The following PTPRR variants were observed in gnomAD, a reference collection of about 807,000 sequenced individuals.
PTPRR encodes the protein protein tyrosine phosphatase receptor type R.
In PTPRR, 38 loss-of-function variants were observed where a neutral mutation model predicts 77.2. The ratio of observed to expected loss-of-function variants is 0.49; its 90% CI spans 0.38 to 0.65. The LOEUF (loss-of-function observed/expected upper bound fraction) is 0.65, where lower values mean the gene tolerates loss of function less well. Among genes scored for constraint, PTPRR ranks in the 30% least tolerant of loss-of-function variants. The pLI is 0.00. For missense variants in PTPRR, 744 were observed against 799.2 expected, an observed-to-expected ratio of 0.93 and a Z score of 0.83; for synonymous variants, 299 against 283.1, an observed-to-expected ratio of 1.06 and a Z score of -0.57.
chr12:70,884,826 C>T (rs990225849), intron 2 of PTPRR, among the ~76,000 whole-genome samples: 6 of 132,544 alleles, frequency 4.5e-5, no homozygotes, highest in Middle Eastern at 4.5e-3. Context: ...GAGCCGAGAT[C>T]GTGCCACTGC....
intron 2 of PTPRR, among the ~76,000 whole-genome samples, chr12:70,881,442 C>T (rs1455870476): frequency 6.6e-6 from 1 of 152,182 alleles, no homozygotes; most frequent in Admixed American, 6.5e-5. Flanking sequence ...CATACACACA[C>T]CTCTTCCCAC....
intron 6 of PTPRR, among the ~76,000 whole-genome samples, chr12:70,731,618 T>G (rs185250853): frequency 6.2e-4 from 94 of 152,312 alleles, no homozygotes; most frequent in African/African-American, 2.1e-3. Flanking sequence ...ATTGGCCACA[T>G]AGGGTGGTTG....
chr12:70,815,628 G>A (rs1891889971), intron 2 of PTPRR, among the ~76,000 whole-genome samples: 1 of 152,158 alleles, frequency 6.6e-6, no homozygotes, highest in Non-Finnish European at 1.5e-5. Flanking sequence ...TTAGCATCAT[G>A]AAAATGGAGA....
At chr12:70,818,298 CCTCT>C (rs931825745) in intron 2 of PTPRR, among the ~76,000 whole-genome samples, 14 of 151,152 alleles carry the variant, frequency 9.3e-5, no homozygotes, top group South Asian at 2.1e-4. Flanking sequence ...CAGATATGTG[CCTCT>C]CTCTCTATCT....
At chr12:70,770,663 C>A (rs1890949495) in intron 2 of PTPRR, among the ~76,000 whole-genome samples, 1 of 152,008 alleles carries the variant, frequency 6.6e-6, no homozygotes, top group African/African-American at 2.4e-5. Flanking sequence ...GGGTATATAC[C>A]CAAAGGACTA....
At chr12:70,832,936 CAACT>C (rs905784516) in intron 2 of PTPRR, among the ~76,000 whole-genome samples, 1 of 152,072 alleles carries the variant, frequency 6.6e-6, no homozygotes, top group African/African-American at 2.4e-5. Flanking sequence ...CTCCTTTAGA[CAACT>C]AACACAAGGT....
intron 8 of PTPRR, among the ~76,000 whole-genome samples, chr12:70,690,040 G>A (rs982495101): frequency 6.6e-5 from 10 of 152,150 alleles, no homozygotes; most frequent in Non-Finnish European, 1.3e-4. Flanking sequence ...AGTGAGGAGT[G>A]ATGTTCTTCT....
At chr12:70,674,447 C>T (rs979067083) in intron 10 of PTPRR, among the ~76,000 whole-genome samples, 2 of 152,172 alleles carry the variant, frequency 1.3e-5, no homozygotes, top group African/African-American at 4.8e-5. Context: ...GTATTTGCAT[C>T]ATCCCTGAAT....
At chr12:70,649,204 G>C (rs1886304443) in intron 13 of PTPRR, among the ~76,000 whole-genome samples, 2 of 151,836 alleles carry the variant, frequency 1.3e-5, no homozygotes, top group Non-Finnish European at 2.9e-5. Context: ...TAATTTTTGG[G>C]GTGGTGGTGG....
At chr12:70,832,553 G>C (rs1019021951) in intron 2 of PTPRR, among the ~76,000 whole-genome samples, 1 of 152,096 alleles carries the variant, frequency 6.6e-6, no homozygotes, top group Non-Finnish European at 1.5e-5. Context: ...ACATTCACTT[G>C]CATCTTACTT....
At chr12:70,791,931 A>ACTTG (rs1891427539) in intron 2 of PTPRR, among the ~76,000 whole-genome samples, 1 of 152,172 alleles carries the variant, frequency 6.6e-6, no homozygotes, top group Non-Finnish European at 1.5e-5. Flanking sequence ...TTGAGAAACG[A>ACTTG]CTTGCTTCAA....
intron 2 of PTPRR, among the ~76,000 whole-genome samples, chr12:70,779,004 C>A (rs1438809996): frequency 1.3e-5 from 2 of 152,096 alleles, no homozygotes; most frequent in Non-Finnish European, 2.9e-5. Context: ...CACCACCACA[C>A]CCAGCTAATT....
intron 10 of PTPRR, chr12:70,672,329 A>T: frequency 1.3e-6 from 2 of 1,548,280 alleles, no homozygotes; most frequent in Non-Finnish European, 1.8e-6. Context: ...CAAGTTTGCC[A>T]ACTCCATTGT....
chr12:70,730,070 AC>A (rs1419684116), intron 6 of PTPRR, among the ~76,000 whole-genome samples: 1 of 151,962 alleles, frequency 6.6e-6, no homozygotes, highest in East Asian at 1.9e-4. Flanking sequence ...TTTGTGAGAC[AC>A]CCTGCCCACA....
intron 6 of PTPRR, among the ~76,000 whole-genome samples, chr12:70,716,568 C>A (rs561704570): frequency 5.4e-4 from 83 of 152,298 alleles, no homozygotes; most frequent in African/African-American, 1.9e-3. Flanking sequence ...TCTCAATTAT[C>A]TAGACTTACA....
At chr12:70,777,833 T>A (rs1891122674) in intron 2 of PTPRR, among the ~76,000 whole-genome samples, 1 of 152,204 alleles carries the variant, frequency 6.6e-6, no homozygotes, top group Non-Finnish European at 1.5e-5. Context: ...CCACATTAAA[T>A]AGTGACATGA....
At chr12:70,732,794 T>C (rs1191461661) in intron 6 of PTPRR, among the ~76,000 whole-genome samples, 1 of 152,062 alleles carries the variant, frequency 6.6e-6, no homozygotes, top group East Asian at 1.9e-4. Context: ...CTCCTGACTT[T>C]GTGATCTGAC....
chr12:70,647,667 A>C (rs1211248715), intron 13 of PTPRR, among the ~76,000 whole-genome samples: 3 of 152,262 alleles, frequency 2.0e-5, no homozygotes, highest in African/African-American at 4.8e-5. Flanking sequence ...ATTTGAGATT[A>C]GAAGGTTTAA....
intron 6 of PTPRR, among the ~76,000 whole-genome samples, chr12:70,719,988 G>C (rs1592703410): frequency 1.3e-5 from 2 of 152,356 alleles, no homozygotes; most frequent in South Asian, 2.1e-4. Flanking sequence ...CTGTCTGTAA[G>C]TGGCGCACAA....
Sources: allele counts gnomAD v4.1 joint callset (sites outside exome capture counted in the v4.1 genomes callset), GRCh38; gene constraint gnomAD v4.1.1; transcripts MANE v1.5; gene names NCBI Gene and HGNC (gene_info 2026-07-23, HGNC 2026-07-21).